ITGA2: variants seen among roughly 807,000 people sequenced by gnomAD.
The protein encoded by ITGA2 is integrin subunit alpha 2.
Under a neutral mutation model 146.3 loss-of-function variants are expected in ITGA2, and 101 were observed. The observed-to-expected ratio is 0.69, with a 90% confidence interval of 0.59 to 0.81. The LOEUF is 0.81. Among genes scored for constraint, ITGA2 ranks in the 40% least tolerant of loss-of-function variants. The probability of loss-of-function intolerance (pLI) is 0.00; values close to 1 mark genes in which losing one functional copy is unlikely to be tolerated. For missense variants in ITGA2, 1,281 were observed against 1,402.7 expected, an observed-to-expected ratio of 0.91 and a Z score of 1.39; for synonymous variants, 477 against 487.1, an observed-to-expected ratio of 0.98 and a Z score of 0.27.
At chr5:53,090,187 T>C in intron 29 of ITGA2, 125 bp downstream of exon 29, 3 of 740,464 alleles carry the variant, frequency 4.1e-6, no homozygotes, top group Non-Finnish European at 7.1e-6. Flanking sequence ...GAAATGCAAA[T>C]TTGTTTATAA....
At position 53,026,823 on chromosome 5, in the gene ITGA2, A is replaced by G. The variant is rs1479622118; in HGVS notation, c.140A>G (p.Gln47Arg). 1.1e-5 allele frequency: 17 copies of G among 1,613,498 alleles called. No individual in the cohort carries two copies. The Admixed American group carries it at 2.5e-4, about 24-fold the overall frequency. The change falls in exon 2 of 30, where the codon CAG (glutamine) becomes CGG (arginine). Residue 47 changes from glutamine (Q) to arginine (R), a missense_variant. Gln to Arg is a conservative substitution (Grantham distance 43). This residue lies in a region of ITGA2 where 795 missense variants were observed against 841.7 expected (regional missense o/e 0.94). Transcript: ENST00000296585. ...ATATTTTCCGGTCCTTCAAGTGAAC[A>G]GTTTGGCTATGCAGTGCAGCAGTTT... ...AKIFSGPSSE[Q>R]FGYAVQQFIN...
intron 18 of ITGA2, 27 bp from the exon 19 acceptor site, chr5:53,072,585 TG>T: frequency 6.4e-7 from 1 of 1,570,778 alleles, no homozygotes; most frequent in Non-Finnish European, 8.7e-7. Context: ...CAAGAGCAAA[TG>T]TATGGATCTT....
At chr5:53,056,992 T>C (rs1744670305) in intron 9 of ITGA2, among the ~76,000 whole-genome samples, 1 of 151,960 alleles carries the variant, frequency 6.6e-6, no homozygotes, top group African/African-American at 2.4e-5. Context: ...CAAATCTTGA[T>C]TTGATTATCC....
rs910176820 is a variant in ITGA2, at chr5:53,091,720, C to T, written c.*1121C>T. On this transcript the variant is annotated 3_prime_UTR_variant, in exon 30 of 30. Transcript: ENST00000296585. ...GTCATCTGTTTAATTTACACACTTG[C>T]ATGAATTACTGTATATAAACTCCTT... is the stretch of plus-strand genomic sequence containing the variant. 6.6e-6 allele frequency: 1 copy of T among 152,198 alleles called. No homozygotes were observed. Among genetic ancestry groups the T allele is most frequent in the African/African-American group, 2.4e-5 (1 of 41,446 alleles). The allele number at this position is 152,198 out of a possible 1,614,324, so 9.4% of individuals were successfully genotyped here. A position where few individuals can be genotyped will look rare whatever the true frequency, so the allele number is the denominator to read the frequency against.
At chr5:53,074,881 T>C (rs1745587594) in intron 21 of ITGA2, among the ~76,000 whole-genome samples, 180 bp from the exon 22 acceptor site, 1 of 152,062 alleles carries the variant, frequency 6.6e-6, no homozygotes, top group East Asian at 1.9e-4. Context: ...CTAATTCTAA[T>C]GTGAGGCATA....
intron 13 of ITGA2, 49 bp from the exon 14 acceptor site, chr5:53,064,863 A>G (rs1745071114): frequency 6.4e-7 from 1 of 1,558,272 alleles, no homozygotes. Context: ...TTTTAATTAT[A>G]CAAGTTGTAA....
chr5:53,012,022 T>C (rs1320080016), intron 1 of ITGA2, among the ~76,000 whole-genome samples: 1 of 152,128 alleles, frequency 6.6e-6, no homozygotes, highest in Non-Finnish European at 1.5e-5. Context: ...ATAAAAAAAA[T>C]CCTTGGGAGC....
intron 3 of ITGA2, among the ~76,000 whole-genome samples, chr5:53,043,658 AGT>A (rs2111891030): frequency 6.6e-6 from 1 of 152,348 alleles, no homozygotes; most frequent in East Asian, 1.9e-4. Flanking sequence ...ATGGGATAGC[AGT>A]GTGAGAAGAT....
chr5:53,049,388 A>G (rs1208545620), intron 6 of ITGA2, among the ~76,000 whole-genome samples: 1 of 152,118 alleles, frequency 6.6e-6, no homozygotes, highest in Non-Finnish European at 1.5e-5. Context: ...AAAATTCAAT[A>G]TGTATTTTTA....
intron 2 of ITGA2, among the ~76,000 whole-genome samples, chr5:53,038,151 A>G (rs1370854705): frequency 6.6e-6 from 1 of 151,296 alleles, no homozygotes; most frequent in East Asian, 1.9e-4. Context: ...AAAACCAAAC[A>G]GTCTTCTCAG....
chr5:53,089,713 G>A (rs551406352), intron 28 of ITGA2, among the ~76,000 whole-genome samples: 1 of 152,368 alleles, frequency 6.6e-6, no homozygotes, highest in East Asian at 1.9e-4. Context: ...ACAAGACACT[G>A]ATGTAGTTAA....
chr5:53,045,916 C>T (rs3212466), intron 4 of ITGA2, among the ~76,000 whole-genome samples: 12,983 of 151,652 alleles, frequency 0.086, 591 homozygotes, highest in Middle Eastern at 0.16. Flanking sequence ...AGAGGTTGGG[C>T]GCGGTGGCTC....
At chr5:53,063,935 A>G (rs920560211) in intron 13 of ITGA2, among the ~76,000 whole-genome samples, 6 of 151,824 alleles carry the variant, frequency 4.0e-5, no homozygotes, top group African/African-American at 1.5e-4. Context: ...AACGCAGTAA[A>G]AATTTGTATA....
In ITGA2 at chr5:53,064,945, C is replaced by G. The variant is rs1346584179; in HGVS notation, c.1636C>G (p.Pro546Ala). 5 of 1,612,618 alleles carry G rather than the reference C, an allele frequency of 3.1e-6. No individual in the cohort carries two copies. The highest frequency in any genetic ancestry group is 4.2e-6 in the Non-Finnish European group (5 of 1,179,156). ...ILGQHQFLEG[P>A]EGIENTRFGS... is the part of the protein sequence containing the mutation. ...GGGTCAGCACCAATTTCTTGAAGGC[C>G]CCGAGGGCATTGAAAACACTCGATT... is the stretch of plus-strand genomic sequence containing the variant. The change falls in exon 14 of 30, where the codon CCC (proline) becomes GCC (alanine). Residue 546 changes from proline (P) to alanine (A), a missense_variant. Physicochemically the swap from Pro to Ala is conservative, Grantham distance 27. This residue lies in a region of ITGA2 where 795 missense variants were observed against 841.7 expected (regional missense o/e 0.94). Coordinates refer to ENST00000296585, the MANE Select transcript of ITGA2 (RefSeq NM_002203.4).
chr5:53,057,170 A>T (rs908446652), intron 9 of ITGA2, among the ~76,000 whole-genome samples: 1 of 152,008 alleles, frequency 6.6e-6, no homozygotes, highest in Non-Finnish European at 1.5e-5. Flanking sequence ...AACAATTGCA[A>T]TCTACAAGCT....
rs3212538 is a variant in ITGA2 at position 53,060,862 on chromosome 5, T to C, written c.1313-39T>C. ...TTCTTTTAACTTTATTTTGCTCAGA[T>C]AGTCAATGTTAATCACTCTGTTGCT... is the stretch of plus-strand genomic sequence containing the variant. On this transcript the variant is annotated intron_variant, in intron 11 of 29. Transcript: ENST00000296585. 55,042 of 1,599,772 alleles carry C rather than the reference T, an allele frequency of 0.034. 1,093 individuals carry two copies. Among genetic ancestry groups the C allele is most frequent in the East Asian group, 0.084 (3,755 of 44,728 alleles).
In ITGA2 at chr5:53,058,091, C is replaced by G. The variant is rs764040752; in HGVS notation, c.1163C>G (p.Ser388Cys). ...CAAGTGGGATTCAGTGCAGATTACT[C>G]TTCTCAAAATGTGCGTATATCAGAT... ...MSQVGFSADY[S>C]SQNDILMLGA... is the part of the protein sequence containing the mutation. Residue 388 changes from serine to cysteine, a missense_variant, in exon 10 of 30, where the codon TCT (serine) becomes TGT (cysteine). By Grantham distance (112) the Ser-to-Cys change is moderately radical. This residue lies in a region of ITGA2 where 795 missense variants were observed against 841.7 expected (regional missense o/e 0.94). Transcript: ENST00000296585. 1.9e-6 allele frequency: 3 copies of G among 1,609,910 alleles called. No individual in the cohort carries two copies. Among genetic ancestry groups the G allele is most frequent in the East Asian group, 4.5e-5 (2 of 44,716 alleles).
Position 53,081,685 on chromosome 5 carries a change from A to C in ITGA2, c.3133A>C (p.Thr1045Pro), listed in dbSNP as rs757447202. The change falls in exon 26 of 30, where the codon ACC becomes CCC. Residue 1045 changes from threonine (T) to proline (P), a missense_variant. Transcript: ENST00000296585. ...TTTCAAAAGTGAAAATTTCAGGCACACCAAAGAATTGGTGAGGACAAGTTA... is the reference window on the plus strand; with the variant it reads ...TTTCAAAAGTGAAAATTTCAGGCACCCCAAAGAATTGGTGAGGACAAGTTA... The part of the protein sequence containing the change: ...VSFKSENFRH[T>P]KELNCRTASC... The C allele has an allele frequency of 1.2e-6, 2 of 1,610,182 alleles. No homozygotes were observed. Among genetic ancestry groups the C allele is most frequent in the African/African-American group, 2.7e-5 (2 of 74,828 alleles).
In ITGA2 at chr5:53,083,293, C is replaced by T. The variant is rs192128262; in HGVS notation, c.3145-47C>T. 4.1e-5 allele frequency: 49 copies of T among 1,196,912 alleles called. No homozygotes were observed. In the East Asian group the frequency reaches 4.5e-4, roughly 11 times the overall value. The allele number at this position is 1,196,912 out of a possible 1,614,324, so 74.1% of individuals were successfully genotyped here. A position where few individuals can be genotyped will look rare whatever the true frequency, so the allele number is the denominator to read the frequency against. On this transcript the variant is annotated intron_variant, in intron 26 of 29. Coordinates refer to ENST00000296585, the MANE Select transcript of ITGA2 (RefSeq NM_002203.4). The stretch of plus-strand genomic sequence containing the variant: ...TAAAATTTTAGCATTTATTTTTTAA[C>T]TCTTACTAACTTGCTCTCTCTTTTA...
Sources: gnomAD v4.1 joint callset for allele counts (sites outside exome capture counted in the v4.1 genomes callset) on GRCh38, gnomAD v4.1.1 for gene constraint, gnomAD v4.1.1 regional missense constraint, MANE v1.5 for transcripts, NCBI Gene and HGNC (gene_info 2026-07-23, HGNC 2026-07-21) for gene names.